The following ACVR1 variants were observed in gnomAD, a reference collection of about 807,000 sequenced individuals.
ACVR1 encodes activin A receptor type 1, also known as activin receptor type-1.
ACVR1 carries 38 observed loss-of-function variants against 57.1 expected under a neutral mutation model. The observed-to-expected ratio is 0.67, with a 90% CI of 0.51 to 0.87. The LOEUF is 0.87. Ranked by LOEUF, ACVR1 falls within the 40% of genes least tolerant of loss-of-function variation. The probability of loss-of-function intolerance (pLI) is 0.00; values close to 1 mark genes in which losing one functional copy is unlikely to be tolerated. For synonymous variants in ACVR1, 212 were observed against 228.1 expected (o/e 0.93, Z 0.63); for missense variants, 463 against 638.2 (o/e 0.73, Z 2.96).
intron 7 of ACVR1, among the ~76,000 whole-genome samples, chr2:157,769,212 G>A (rs1043338754): frequency 2.0e-5 from 3 of 152,332 alleles, no homozygotes; most frequent in Admixed American, 6.5e-5. Flanking sequence ...GGGCATACTT[G>A]TAAAGGATGG....
intron 9 of ACVR1, among the ~76,000 whole-genome samples, chr2:157,741,066 G>C (rs983074141): frequency 6.6e-6 from 1 of 152,174 alleles, no homozygotes; most frequent in African/African-American, 2.4e-5. Context: ...ATTAAATGCT[G>C]AGAGTGATAA....
intron 1 of ACVR1, among the ~76,000 whole-genome samples, chr2:157,856,042 T>TAA (rs35485473): frequency 6.8e-6 from 1 of 147,370 alleles, no homozygotes; most frequent in African/African-American, 2.5e-5. Context: ...CCCAAAAACT[T>TAA]AAAAAAAAAA....
intron 3 of ACVR1, among the ~76,000 whole-genome samples, chr2:157,793,815 G>C (rs998167826): frequency 2.6e-5 from 4 of 152,108 alleles, no homozygotes; most frequent in African/African-American, 9.7e-5. Flanking sequence ...AGCAAAGAGG[G>C]GCACCTTTGT....
chr2:157,737,924 C>A (rs948371282), intron 10 of ACVR1, among the ~76,000 whole-genome samples: 2 of 152,054 alleles, frequency 1.3e-5, no homozygotes, highest in Non-Finnish European at 2.9e-5. Flanking sequence ...CAGATTGGAC[C>A]CCTTAATGAT....
intron 3 of ACVR1, among the ~76,000 whole-genome samples, chr2:157,795,211 A>G (rs186014376): frequency 1.7e-4 from 26 of 152,210 alleles, no homozygotes; most frequent in Admixed American, 8.5e-4. Context: ...GCTATTACAG[A>G]TTTCTGTTAT....
intron 2 of ACVR1, 32 bp from the exon 3 acceptor site, chr2:157,799,532 G>C (rs769656822): frequency 2.0e-6 from 3 of 1,533,222 alleles, no homozygotes; most frequent in Admixed American, 1.7e-5. Context: ...TGTAAGTAAA[G>C]CATAAATATC....
chr2:157,824,153 T>G (rs1343533781), intron 1 of ACVR1, among the ~76,000 whole-genome samples: 1 of 152,188 alleles, frequency 6.6e-6, no homozygotes, highest in Non-Finnish European at 1.5e-5. Flanking sequence ...TGCTGAGATT[T>G]GACCATTTTG....
At chr2:157,830,122 G>A (rs1252956248) in intron 1 of ACVR1, among the ~76,000 whole-genome samples, 1 of 152,164 alleles carries the variant, frequency 6.6e-6, no homozygotes, top group Non-Finnish European at 1.5e-5. Context: ...GGGAGGCTGA[G>A]GCAGGAGAAT....
At chr2:157,867,058 G>A (rs967848497) in intron 1 of ACVR1, among the ~76,000 whole-genome samples, 7 of 152,068 alleles carry the variant, frequency 4.6e-5, no homozygotes, top group Non-Finnish European at 8.8e-5. Context: ...ATTCTTCTGG[G>A]TTCTTGCTCT....
intron 9 of ACVR1, among the ~76,000 whole-genome samples, chr2:157,752,944 G>C (rs1434903891): frequency 6.6e-6 from 1 of 152,116 alleles, no homozygotes; most frequent in Non-Finnish European, 1.5e-5. Context: ...TGATGAATAG[G>C]AATAGCATCT....
intron 2 of ACVR1, among the ~76,000 whole-genome samples, chr2:157,813,050 T>C (rs558454365): frequency 6.6e-6 from 1 of 152,212 alleles, no homozygotes; most frequent in South Asian, 2.1e-4. Context: ...CCAAAAATAA[T>C]AGGTTTTCTT....
At chr2:157,871,315 C>G (rs201017929) in intron 1 of ACVR1, among the ~76,000 whole-genome samples, 1 of 152,148 alleles carries the variant, frequency 6.6e-6, no homozygotes, top group East Asian at 1.9e-4. Context: ...TTACTCTGAG[C>G]CTTGAAGAAT....
chr2:157,867,679 GTT>G (rs11313997), intron 1 of ACVR1, among the ~76,000 whole-genome samples: 5,031 of 147,464 alleles, frequency 0.034, 207 homozygotes, highest in African/African-American at 0.097. Context: ...TAGCAACCAT[GTT>G]TTTTTTTTTT....
At chr2:157,787,316 G>A (rs375357123) in intron 3 of ACVR1, among the ~76,000 whole-genome samples, 2 of 152,056 alleles carry the variant, frequency 1.3e-5, no homozygotes, top group Non-Finnish European at 2.9e-5. Context: ...TCCTTAATAC[G>A]GGAGAAAATA....
rs752330987 is a variant in ACVR1 at position 157,863,564 on chromosome 2, G to A, written c.-183+12232C>T. Among the ~76,000 whole-genome samples the A allele has an allele frequency of 6.4e-4, 96 of 150,666 alleles. 1 individual carries two copies. The highest frequency in any genetic ancestry group is 1.2e-3 in the Non-Finnish European group (80 of 67,720). On this transcript the variant is annotated intron_variant, in intron 1 of 10. Coordinates refer to ENST00000434821, the MANE Select transcript of ACVR1 (RefSeq NM_001111067.4). ...ATACAAAAATTAGCTGGGTGCAGTGGTGCATGCCTGTAATCCCACCTACTT... is the reference window on the plus strand; with the variant it reads ...ATACAAAAATTAGCTGGGTGCAGTGATGCATGCCTGTAATCCCACCTACTT...
At position 157,736,896 on chromosome 2, in the gene ACVR1, A is replaced by G; in HGVS notation, c.*635T>C. 1 of 319,536 alleles carries G rather than the reference A, an allele frequency of 3.1e-6. No individual in the cohort carries two copies. Among genetic ancestry groups the G allele is most frequent in the East Asian group, 4.2e-5 (1 of 23,900 alleles). The allele number at this position is 319,536 out of a possible 1,614,324, so 19.8% of individuals were successfully genotyped here. A position where few individuals can be genotyped will look rare whatever the true frequency, so the allele number is the denominator to read the frequency against. On this transcript the variant is annotated 3_prime_UTR_variant, in exon 11 of 11. Transcript: ENST00000434821. ...TGCACAAGTAATAAATAATTTGCAA[A>G]GTTGTGTATAAACAATTCCTAATGT...
rs1437271324 is a variant in ACVR1 at position 157,780,218 on chromosome 2, C to T, written c.331+119G>A. On this transcript the variant is annotated intron_variant, in intron 4 of 10. Coordinates refer to ENST00000434821, the MANE Select transcript of ACVR1 (RefSeq NM_001111067.4). Reference sequence around the variant, plus strand: ...CAGGGTGACCTTCCTTGTAGCTCTTCGCCTCTGATTCAAAATGTAGGTGGA... The same window carrying T: ...CAGGGTGACCTTCCTTGTAGCTCTTTGCCTCTGATTCAAAATGTAGGTGGA... 20 of 1,432,884 alleles carry T rather than the reference C, an allele frequency of 1.4e-5. No homozygotes were observed. In the East Asian group the frequency reaches 2.1e-4, roughly 15 times the overall value. 88.8% of individuals were successfully genotyped at this position (1,432,884 alleles called of 1,614,324 possible). A position where few individuals can be genotyped will look rare whatever the true frequency, so the allele number is the denominator to read the frequency against.
At chr2:157,802,340 G>C (rs1440741116) in intron 2 of ACVR1, among the ~76,000 whole-genome samples, 1 of 152,064 alleles carries the variant, frequency 6.6e-6, no homozygotes, top group Non-Finnish European at 1.5e-5. Flanking sequence ...TTGAAAAAAC[G>C]CAAGAATGGC....
intron 1 of ACVR1, among the ~76,000 whole-genome samples, chr2:157,866,698 G>A (rs7591152): frequency 0.12 from 17,808 of 152,192 alleles, 2,024 homozygotes; most frequent in East Asian, 0.35. Flanking sequence ...CAAACAGCAT[G>A]TCTGCCTTTG....
Sources: gnomAD v4.1 joint callset for allele counts (sites outside exome capture counted in the v4.1 genomes callset) on GRCh38, gnomAD v4.1.1 for gene constraint, MANE v1.5 for transcripts, NCBI Gene and HGNC (gene_info 2026-07-23, HGNC 2026-07-21) for gene names.